Variants in C9orf43 observed in about 807,000 individuals in gnomAD.
The protein encoded by C9orf43 is chromosome 9 open reading frame 43.
In C9orf43, 45 loss-of-function variants were observed where a neutral mutation model predicts 59.1. The observed-to-expected ratio is 0.76, with a 90% CI of 0.60 to 0.98. The LOEUF (loss-of-function observed/expected upper bound fraction) is 0.98. Among genes scored for constraint, C9orf43 ranks in the 50% least tolerant of loss-of-function variants. The pLI is 0.00. For synonymous variants in C9orf43, 203 were observed against 196.8 expected, an observed-to-expected ratio of 1.03 and a Z score of -0.26; for missense variants, 533 against 554.9, an observed-to-expected ratio of 0.96 and a Z score of 0.40.
intron 3 of C9orf43, 113 bp from the exon 4 acceptor site, chr9:113,418,995 C>G (rs1467691362): frequency 1.2e-6 from 1 of 800,670 alleles, no homozygotes; most frequent in Non-Finnish European, 2.0e-6. Flanking sequence ...ATTTGGTAAG[C>G]ATTAAGCCCA....
chr9:113,412,688 T>A (rs922517738), intron 1 of C9orf43, among the ~76,000 whole-genome samples: 2 of 152,220 alleles, frequency 1.3e-5, no homozygotes, highest in Non-Finnish European at 2.9e-5. Context: ...TATTTATTAT[T>A]TTTTGTGGAG....
At chr9:113,412,136 G>A (rs905192331) in intron 1 of C9orf43, among the ~76,000 whole-genome samples, 2 of 152,204 alleles carry the variant, frequency 1.3e-5, no homozygotes, top group African/African-American at 4.8e-5. Context: ...TTCAATTAGA[G>A]ACCATAAGGT....
In C9orf43 at chr9:113,421,210, A is replaced by G; in HGVS notation, c.446+7A>G. On this transcript the variant is annotated splice_region_variant and intron_variant, in intron 5 of 13. Coordinates refer to ENST00000374165, the MANE Select transcript of C9orf43 (RefSeq NM_001278629.2). Reference sequence around the variant, plus strand: ...AAACAGAGATACATGTGAGGTGAGTATCATATCTGGAACTCAGAGGACTTT... The same window carrying G: ...AAACAGAGATACATGTGAGGTGAGTGTCATATCTGGAACTCAGAGGACTTT... The G allele has an allele frequency of 1.3e-6, 2 of 1,579,352 alleles. No homozygotes were observed. Among genetic ancestry groups the G allele is most frequent in the Non-Finnish European group, 1.7e-6 (2 of 1,148,688 alleles).
At position 113,428,925 on chromosome 9, in the gene C9orf43, A is replaced by C. The variant is rs111841972; in HGVS notation, c.1133A>C (p.Asn378Thr). The C allele has an allele frequency of 0.055, 89,348 of 1,613,294 alleles. 2,866 individuals are homozygous for C. Among genetic ancestry groups the C allele is most frequent in the South Asian group, 0.099 (8,975 of 91,040 alleles). Residue 378 changes from asparagine (N) to threonine (T), a missense_variant, in exon 13 of 14, where the codon AAC becomes ACC. Asn to Thr is a moderately conservative substitution (Grantham distance 65). Coordinates refer to ENST00000374165, the MANE Select transcript of C9orf43 (RefSeq NM_001278629.2). ...KQDSTERPKMNYYDHADFHHS... is the reference protein window; with the variant it reads ...KQDSTERPKMTYYDHADFHHS... The stretch of plus-strand genomic sequence containing the variant: ...GATTCCACGGAGAGACCAAAGATGA[A>C]CTACTATGACCATGCGGATTTCCAC...
At chr9:113,415,519 G>A (rs529417407) in intron 3 of C9orf43, among the ~76,000 whole-genome samples, 1 of 151,788 alleles carries the variant, frequency 6.6e-6, no homozygotes, top group African/African-American at 2.4e-5. Context: ...TACATGCATG[G>A]ATGAATGAAT....
chr9:113,419,123 A>T lies in C9orf43; in HGVS notation c.303A>T (p.Leu101Phe). 1 of 1,610,206 alleles carries T rather than the reference A, an allele frequency of 6.2e-7. No homozygotes were observed. Among genetic ancestry groups the T allele is most frequent in the Non-Finnish European group, 8.5e-7 (1 of 1,178,262 alleles). Residue 101 changes from leucine to phenylalanine, a missense_variant, in exon 4 of 14, where the codon TTA becomes TTT. By Grantham distance (22) the Leu-to-Phe change is conservative (BLOSUM62 0). Coordinates refer to ENST00000374165, the MANE Select transcript of C9orf43 (RefSeq NM_001278629.2). Reference sequence around the variant, plus strand: ...CATTTTTTAGGCCTCCGAAGGGTTTACCTGACAAAAGTTTGATCAACTGTA... The same window carrying T: ...CATTTTTTAGGCCTCCGAAGGGTTTTCCTGACAAAAGTTTGATCAACTGTA... ...SKFHGRPPKG[L>F]PDKSLINCTN...
Position 113,425,375 on chromosome 9 carries a change from G to T in C9orf43, c.897G>T (p.Gln299His), listed in dbSNP as rs776781582. ...GGAAACAGCAGCAGCGGCAGCAGCAGCAGCAGCAGCAACAGAAGAAGGTGA... is the reference window on the plus strand; with the variant it reads ...GGAAACAGCAGCAGCGGCAGCAGCATCAGCAGCAGCAACAGAAGAAGGTGA... ...GYRKQQQRQQ[Q>H]QQQQQKKVKT... is the part of the protein sequence containing the mutation. The change falls in exon 10 of 14, where the codon CAG (glutamine) becomes CAT (histidine). Residue 299 changes from glutamine (Q) to histidine (H), a missense_variant. By Grantham distance (24) the Gln-to-His change is conservative (BLOSUM62 0). Coordinates refer to ENST00000374165, the MANE Select transcript of C9orf43 (RefSeq NM_001278629.2). 29 of 1,613,860 alleles carry T rather than the reference G, an allele frequency of 1.8e-5. No homozygotes were observed. The highest frequency in any genetic ancestry group is 2.5e-5 in the Non-Finnish European group (29 of 1,179,948).
intron 5 of C9orf43, among the ~76,000 whole-genome samples, chr9:113,422,112 A>G (rs1169123680): frequency 6.6e-6 from 1 of 152,204 alleles, no homozygotes; most frequent in Non-Finnish European, 1.5e-5. Context: ...GGTCAGAGCA[A>G]AAAATACTTC....
chr9:113,429,328 G>A lies in C9orf43; in HGVS notation c.1328G>A (p.Arg443Lys). ...TGWNSELKLLRILQDTDDEDE... is the reference protein window; with the variant it reads ...TGWNSELKLLKILQDTDDEDE... ...TGGAACTCTGAGCTCAAACTACTTAGGATTCTTCAGGACACTGATGATGAG... is the reference window on the plus strand; with the variant it reads ...TGGAACTCTGAGCTCAAACTACTTAAGATTCTTCAGGACACTGATGATGAG... The change falls in exon 14 of 14, where the codon AGG becomes AAG. Residue 443 changes from arginine (R) to lysine (K), a missense_variant. Coordinates refer to ENST00000374165, the MANE Select transcript of C9orf43 (RefSeq NM_001278629.2). 1 of 1,614,186 alleles carries A rather than the reference G, an allele frequency of 6.2e-7. No individual in the cohort carries two copies. Among genetic ancestry groups the A allele is most frequent in the Non-Finnish European group, 8.5e-7 (1 of 1,180,038 alleles).
At chr9:113,413,725 G>A in intron 2 of C9orf43, 34 bp from the exon 3 acceptor site, 1 of 1,612,484 alleles carries the variant, frequency 6.2e-7, no homozygotes, top group Non-Finnish European at 8.5e-7. Context: ...CCAGGCAGCA[G>A]GTTAACATGT....
intron 5 of C9orf43, among the ~76,000 whole-genome samples, chr9:113,421,604 C>T (rs1179043980): frequency 2.0e-5 from 3 of 152,058 alleles, no homozygotes; most frequent in Admixed American, 1.3e-4. Context: ...AAAGCAATAG[C>T]ATATAGGACT....
chr9:113,421,773 T>C (rs187458544), intron 5 of C9orf43, among the ~76,000 whole-genome samples: 74 of 152,354 alleles, frequency 4.9e-4, no homozygotes, highest in Admixed American at 4.0e-3. Context: ...GAATTTCTTT[T>C]TATTTCTTTT....
At chr9:113,414,260 C>T (rs190585179) in intron 3 of C9orf43, among the ~76,000 whole-genome samples, 7 of 151,840 alleles carry the variant, frequency 4.6e-5, no homozygotes, top group Admixed American at 3.9e-4. Context: ...ATTTTTTATA[C>T]CCTGTGTCCT....
At chr9:113,421,024 T>C in intron 4 of C9orf43, 79 bp from the exon 5 acceptor site, 1 of 1,158,710 alleles carries the variant, frequency 8.6e-7, no homozygotes, top group Non-Finnish European at 1.3e-6. Context: ...GCCACCAGAC[T>C]CTTTGCTTAG....
chr9:113,420,951 G>A (rs1828539052), intron 4 of C9orf43, 152 bp from the exon 5 acceptor site: 1 of 831,306 alleles, frequency 1.2e-6, no homozygotes, highest in Non-Finnish European at 1.8e-6. Context: ...GGAGTAGTCT[G>A]TTTTTTTTGG....
At chr9:113,428,751 C>T (rs1828881164) in intron 12 of C9orf43, 149 bp from the exon 13 acceptor site, 4 of 671,714 alleles carry the variant, frequency 6.0e-6, no homozygotes, top group Non-Finnish European at 1.0e-5. Context: ...GGGCAAAGAA[C>T]GTGTGGTAAA....
At chr9:113,420,269 T>G (rs1382368400) in intron 4 of C9orf43, among the ~76,000 whole-genome samples, 2 of 152,128 alleles carry the variant, frequency 1.3e-5, no homozygotes, top group African/African-American at 2.4e-5. Context: ...AATTAAAAAC[T>G]TTTTGTAGAA....
At chr9:113,422,407 A>G in intron 5 of C9orf43, 142 bp from the exon 6 acceptor site, 3 of 1,226,208 alleles carry the variant, frequency 2.4e-6, no homozygotes, top group Admixed American at 2.5e-5. Context: ...AGTACTGATC[A>G]AAGATAGGAA....
chr9:113,416,008 G>A (rs930755601), intron 3 of C9orf43, among the ~76,000 whole-genome samples: 3 of 152,176 alleles, frequency 2.0e-5, no homozygotes, highest in South Asian at 2.1e-4. Flanking sequence ...GACACACTCC[G>A]CCCCTGCCAT....
Sources: allele counts gnomAD v4.1 joint callset (sites outside exome capture counted in the v4.1 genomes callset), GRCh38; gene constraint gnomAD v4.1.1; transcripts MANE v1.5; gene names NCBI Gene and HGNC (gene_info 2026-07-23, HGNC 2026-07-21).